The following ENTPD1 variants were observed in gnomAD, a reference collection of about 807,000 sequenced individuals.
The protein encoded by ENTPD1 is ectonucleoside triphosphate diphosphohydrolase 1, also known as ATP diphosphohydrolase.
In ENTPD1, 33 loss-of-function variants were observed where a neutral mutation model predicts 57.0. The ratio of observed to expected loss-of-function variants is 0.58; its 90% confidence interval spans 0.44 to 0.77. The LOEUF (loss-of-function observed/expected upper bound fraction) is 0.77. Among genes scored for constraint, ENTPD1 ranks in the 30% least tolerant of loss-of-function variants. The probability of loss-of-function intolerance (pLI) is 0.00; values close to 1 mark genes in which losing one functional copy is unlikely to be tolerated. For synonymous variants in ENTPD1, 202 were observed against 218.8 expected, an observed-to-expected ratio of 0.92 and a Z score of 0.68; for missense variants, 501 against 603.4, an observed-to-expected ratio of 0.83 and a Z score of 1.78.
At chr10:95,845,225 G>A in intron 5 of ENTPD1, 132 bp from the exon 6 acceptor site, 1 of 1,203,910 alleles carries the variant, frequency 8.3e-7, no homozygotes, top group East Asian at 2.3e-5. Flanking sequence ...TGTAGATCAG[G>A]AGCCTCTAGT....
chr10:95,858,730 G>A (rs74153929), intron 7 of ENTPD1, among the ~76,000 whole-genome samples: 2,378 of 152,318 alleles, frequency 0.016, 61 homozygotes, highest in African/African-American at 0.054. Context: ...CTAGAGGAAT[G>A]AGCATACCAG....
chr10:95,713,536 G>A (rs1446451029), intron 1 of ENTPD1, among the ~76,000 whole-genome samples: 1 of 152,214 alleles, frequency 6.6e-6, no homozygotes, highest in African/African-American at 2.4e-5. Flanking sequence ...TACAAATAAG[G>A]CATTCCACCT....
chr10:95,845,062 A>T (rs1713392004), intron 5 of ENTPD1, among the ~76,000 whole-genome samples: 1 of 152,184 alleles, frequency 6.6e-6, no homozygotes, highest in Non-Finnish European at 1.5e-5. Flanking sequence ...TAGTCTGCCC[A>T]TGGCTGTACA....
the ENTPD1 span, among the ~76,000 whole-genome samples, chr10:95,699,625 A>G: frequency 6.6e-6 from 1 of 150,786 alleles, no homozygotes; most frequent in Non-Finnish European, 1.5e-5. Flanking sequence ...AGAAAGAGAG[A>G]GATTGAGAGA....
chr10:95,858,691 G>A (rs1208290019), intron 7 of ENTPD1, among the ~76,000 whole-genome samples: 2 of 152,178 alleles, frequency 1.3e-5, no homozygotes, highest in Non-Finnish European at 2.9e-5. Context: ...GCATATGGAG[G>A]CTCTCCAGTT....
At chr10:95,784,283 C>T (rs1230733789) in intron 1 of ENTPD1, among the ~76,000 whole-genome samples, 2 of 152,068 alleles carry the variant, frequency 1.3e-5, no homozygotes. Context: ...TGATGTAGCA[C>T]CAGCTGCTCA....
chr10:95,864,740 C>G lies in ENTPD1; in HGVS notation c.1205C>G (p.Ala402Gly). ...QPWEEIKTSYAGVKEKYLSEY... is the reference protein window; with the variant it reads ...QPWEEIKTSYGGVKEKYLSEY... The stretch of plus-strand genomic sequence containing the variant: ...CACTTCTAGATAAAAACATCTTACG[C>G]TGGAGTAAAGGAGAAGTACCTGAGT... The change falls in exon 9 of 10, where the codon GCT (alanine) becomes GGT (glycine). Residue 402 changes from alanine (A) to glycine (G), a missense_variant. Coordinates refer to ENST00000371205, the MANE Select transcript of ENTPD1 (RefSeq NM_001776.6). 6.2e-7 allele frequency: 1 copy of G among 1,614,164 alleles called. No individual in the cohort carries two copies. The highest frequency in any genetic ancestry group is 2.2e-5 in the East Asian group (1 of 44,886).
chr10:95,851,631 C>T (rs1343255471), intron 7 of ENTPD1, among the ~76,000 whole-genome samples: 1 of 143,888 alleles, frequency 6.9e-6, no homozygotes, highest in Non-Finnish European at 1.5e-5. Context: ...TTCCTGTGTC[C>T]ATGTGTTCTC....
chr10:95,721,165 G>A (rs1391921923), intron 1 of ENTPD1, among the ~76,000 whole-genome samples: 1 of 152,150 alleles, frequency 6.6e-6, no homozygotes, highest in Non-Finnish European at 1.5e-5. Flanking sequence ...CTCCAGAAAG[G>A]CAGTAGGATT....
chr10:95,778,929 G>A (rs527634756), intron 1 of ENTPD1, among the ~76,000 whole-genome samples: 5 of 152,082 alleles, frequency 3.3e-5, no homozygotes, highest in South Asian at 2.1e-4. Context: ...CTTAGAGAGT[G>A]TATCATTGTT....
intron 2 of ENTPD1, among the ~76,000 whole-genome samples, chr10:95,830,680 G>C (rs569318027): frequency 6.6e-6 from 1 of 152,154 alleles, no homozygotes; most frequent in South Asian, 2.1e-4. Context: ...TCAGGTACCT[G>C]TAATCCCAGC....
intron 1 of ENTPD1, 68 bp downstream of exon 1, chr10:95,756,323 G>T: frequency 6.6e-7 from 1 of 1,509,246 alleles, no homozygotes; most frequent in South Asian, 1.3e-5. Flanking sequence ...TAAAAGCCCA[G>T]ACCAAAAAGC....
At position 95,874,470 on chromosome 10, in the gene ENTPD1, A is replaced by G. The variant is rs1283735628; in HGVS notation, c.*8087A>G. Among the ~76,000 whole-genome samples, 3 of 152,202 alleles carry G rather than the reference A, an allele frequency of 2.0e-5. No individual in the cohort carries two copies. The highest frequency in any genetic ancestry group is 6.5e-5 in the Admixed American group (1 of 15,286). Reference sequence around the variant, plus strand: ...CCGCCCCTGTGGCTTTGCAGAGTACAGCCTCCCTCCTGGCTGCTTTCTCAG... The same window carrying G: ...CCGCCCCTGTGGCTTTGCAGAGTACGGCCTCCCTCCTGGCTGCTTTCTCAG... On this transcript the variant is annotated 3_prime_UTR_variant, in exon 10 of 10. Coordinates refer to ENST00000371205, the MANE Select transcript of ENTPD1 (RefSeq NM_001776.6).
the ENTPD1 span, among the ~76,000 whole-genome samples, chr10:95,694,668 TAGA>T: frequency 0.19 from 28,234 of 147,164 alleles, 3,072 homozygotes; most frequent in East Asian, 0.58. Flanking sequence ...GGAATGGAAA[TAGA>T]AGATTTTTTT....
intron 1 of ENTPD1, among the ~76,000 whole-genome samples, chr10:95,818,671 C>T (rs1423562141): frequency 6.6e-6 from 1 of 152,016 alleles, no homozygotes; most frequent in Non-Finnish European, 1.5e-5. Flanking sequence ...TCTTCAAGCC[C>T]CTGAGTGTGA....
intron 1 of ENTPD1, among the ~76,000 whole-genome samples, chr10:95,786,405 G>A (rs910729262): frequency 1.3e-5 from 2 of 152,302 alleles, no homozygotes; most frequent in Admixed American, 1.3e-4. Context: ...CTGAAAAGGA[G>A]CCTGAAAGAC....
upstream of ENTPD1, chr10:95,754,798 G>A (rs959158062): frequency 3.9e-5 from 6 of 152,162 alleles, no homozygotes; most frequent in Admixed American, 1.3e-4. Context: ...ATAAAGTATT[G>A]TTAAACAGCT....
chr10:95,851,230 G>GTATATT (rs559446430), intron 7 of ENTPD1, among the ~76,000 whole-genome samples: 5 of 151,702 alleles, frequency 3.3e-5, no homozygotes, highest in Admixed American at 1.3e-4. Flanking sequence ...ATAAATGTGT[G>GTATATT]TATATTTATA....
In ENTPD1 at chr10:95,877,081, CTT is replaced by C. The variant is rs1312427563; in HGVS notation, c.*10700_*10701del. 6.6e-6 allele frequency among the ~76,000 whole-genome samples: 1 copy of C among 152,162 alleles called. No homozygotes were observed. The highest frequency in any genetic ancestry group is 1.5e-5 in the Non-Finnish European group (1 of 68,038). ...ACAGCAGCTCTATTTGCCTATTCCT[CTT>C]TAAATTACAAAGTTAAAATTTGGGA... is the stretch of plus-strand genomic sequence containing the variant. On this transcript the variant is annotated 3_prime_UTR_variant, in exon 10 of 10. Coordinates refer to ENST00000371205, the MANE Select transcript of ENTPD1 (RefSeq NM_001776.6).
Sources: gnomAD v4.1 joint callset for allele counts (sites outside exome capture counted in the v4.1 genomes callset) on GRCh38, gnomAD v4.1.1 for gene constraint, MANE v1.5 for transcripts, NCBI Gene and HGNC (gene_info 2026-07-23, HGNC 2026-07-21) for gene names.